The following PPARGC1A variants were observed in gnomAD, a reference collection of about 807,000 sequenced individuals.
PPARGC1A encodes the protein PPARG coactivator 1 alpha, also known as peroxisome proliferator-activated receptor gamma coactivator 1-alpha.
A neutral mutation model predicts 88.7 loss-of-function variants in PPARGC1A; 25 were observed. That is an observed-to-expected ratio of 0.28 (90% CI 0.21 to 0.39). PPARGC1A has a LOEUF of 0.39. Ranked by LOEUF, PPARGC1A falls within the 10% of genes least tolerant of loss-of-function variation. PPARGC1A has a pLI of 1.00. For synonymous variants in PPARGC1A, 363 were observed against 355.6 expected, an observed-to-expected ratio of 1.02 and a Z score of -0.24; for missense variants, 880 against 968.7, an observed-to-expected ratio of 0.91 and a Z score of 1.22.
the PPARGC1A span, among the ~76,000 whole-genome samples, chr4:24,138,369 G>T: frequency 3.9e-5 from 6 of 152,016 alleles, no homozygotes; most frequent in African/African-American, 1.4e-4. Flanking sequence ...AGAACCAAAG[G>T]GACAATTGGA....
At chr4:24,137,603 C>T in the PPARGC1A span, among the ~76,000 whole-genome samples, 1 of 152,104 alleles carries the variant, frequency 6.6e-6, no homozygotes, top group Non-Finnish European at 1.5e-5. Flanking sequence ...AGTCACCTTC[C>T]AAAATTCAGA....
chr4:23,814,473 G>C lies in PPARGC1A; in HGVS notation c.1010C>G (p.Ser337Cys). ...PSKKPRYSES[S>C]GTQGNNSTKK... ...GGTGGAGTTATTGCCTTGTGTACCA[G>C]AAGACTCACTGTACCTGGGCTTCTT... Residue 337 changes from serine (S) to cysteine (C), a missense_variant, in exon 8 of 13, where the codon TCT (serine) becomes TGT (cysteine). Coordinates refer to ENST00000264867, the MANE Select transcript of PPARGC1A (RefSeq NM_013261.5). The C allele has an allele frequency of 6.2e-7, 1 of 1,613,744 alleles. No individual in the cohort carries two copies. The highest frequency in any genetic ancestry group is 1.1e-5 in the South Asian group (1 of 91,050).
At chr4:24,391,554 T>TG in the PPARGC1A span, among the ~76,000 whole-genome samples, 1 of 152,166 alleles carries the variant, frequency 6.6e-6, no homozygotes. Flanking sequence ...AATGGTGGTG[T>TG]GGTCCCTTGA....
chr4:23,917,354 C>T, the PPARGC1A span, among the ~76,000 whole-genome samples: 1 of 149,864 alleles, frequency 6.7e-6, no homozygotes, highest in Non-Finnish European at 1.5e-5. Flanking sequence ...ACATCATACT[C>T]TTTTCTGTGT....
At chr4:23,867,034 G>A (rs868499915) in intron 2 of PPARGC1A, among the ~76,000 whole-genome samples, 5 of 152,100 alleles carry the variant, frequency 3.3e-5, no homozygotes, top group Non-Finnish European at 7.3e-5. Context: ...TAAGAGGTGG[G>A]AAGTGCAGTT....
the PPARGC1A span, among the ~76,000 whole-genome samples, chr4:24,268,086 T>TTAAAATATAATGAATATA: frequency 6.6e-6 from 1 of 152,246 alleles, no homozygotes; most frequent in Non-Finnish European, 1.5e-5. Context: ...TTTTGATTCA[T>TTAAAATATAATGAATATA]TAAAATATAA....
chr4:24,092,897 G>A, the PPARGC1A span, among the ~76,000 whole-genome samples: 3 of 152,270 alleles, frequency 2.0e-5, no homozygotes, highest in South Asian at 6.2e-4. Flanking sequence ...ACAAATTCCC[G>A]TGCTCGCAGA....
At chr4:23,829,190 G>A (rs1464024149) in intron 4 of PPARGC1A, among the ~76,000 whole-genome samples, 1 of 152,110 alleles carries the variant, frequency 6.6e-6, no homozygotes, top group Non-Finnish European at 1.5e-5. Flanking sequence ...TTTTACCGTG[G>A]CCCACAATGC....
At chr4:24,375,150 C>G in the PPARGC1A span, among the ~76,000 whole-genome samples, 2 of 152,022 alleles carry the variant, frequency 1.3e-5, no homozygotes, top group African/African-American at 2.4e-5. Flanking sequence ...CATTTTTAAT[C>G]AGGCCCCAAA....
At chr4:23,880,353 C>T (rs960302835) in intron 2 of PPARGC1A, among the ~76,000 whole-genome samples, 1 of 152,130 alleles carries the variant, frequency 6.6e-6, no homozygotes, top group Non-Finnish European at 1.5e-5. Flanking sequence ...CATTACCTAA[C>T]GCAGTTCATT....
At chr4:24,280,694 T>C in the PPARGC1A span, among the ~76,000 whole-genome samples, 2 of 152,350 alleles carry the variant, frequency 1.3e-5, no homozygotes, top group African/African-American at 4.8e-5. Flanking sequence ...GCAGTCAATT[T>C]TTTTAGTGGA....
At chr4:24,169,104 T>C in the PPARGC1A span, among the ~76,000 whole-genome samples, 1 of 152,190 alleles carries the variant, frequency 6.6e-6, no homozygotes, top group Non-Finnish European at 1.5e-5. Flanking sequence ...CTTGATAGGA[T>C]GTGACAAAAA....
chr4:23,922,776 G>A, the PPARGC1A span, among the ~76,000 whole-genome samples: 4 of 152,156 alleles, frequency 2.6e-5, no homozygotes, highest in African/African-American at 7.2e-5. Flanking sequence ...GCCACTGGAG[G>A]CCTGCTGGCT....
the PPARGC1A span, among the ~76,000 whole-genome samples, chr4:24,199,490 G>A: frequency 5.9e-5 from 9 of 152,294 alleles, no homozygotes; most frequent in Admixed American, 2.6e-4. Context: ...TGCCACAGAG[G>A]ACATTTTAAT....
At chr4:24,123,436 C>T in the PPARGC1A span, among the ~76,000 whole-genome samples, 10 of 152,242 alleles carry the variant, frequency 6.6e-5, no homozygotes, top group South Asian at 2.1e-3. Flanking sequence ...TGGAAGGTTT[C>T]ACTATAGCCT....
chr4:23,935,235 C>G, the PPARGC1A span, among the ~76,000 whole-genome samples: 7,149 of 152,266 alleles, frequency 0.047, 563 homozygotes, highest in African/African-American at 0.16. Flanking sequence ...AAGATTATGC[C>G]TGCTCTTTCT....
chr4:24,337,340 C>T, the PPARGC1A span, among the ~76,000 whole-genome samples: 3 of 152,196 alleles, frequency 2.0e-5, no homozygotes, highest in Non-Finnish European at 4.4e-5. Flanking sequence ...CATTCAACCA[C>T]TCGTGAACAG....
chr4:23,894,085 GAAT>G (rs1240239139), upstream of PPARGC1A, among the ~76,000 whole-genome samples: 1 of 152,054 alleles, frequency 6.6e-6, no homozygotes, highest in Non-Finnish European at 1.5e-5. Context: ...TCATCCATAA[GAAT>G]AATAATCATC....
the PPARGC1A span, among the ~76,000 whole-genome samples, chr4:24,233,051 C>T: frequency 1.3e-5 from 2 of 152,048 alleles, no homozygotes; most frequent in South Asian, 2.1e-4. Context: ...GCCCTGGGAC[C>T]ACAGAGGCCC....
Sources: allele counts gnomAD v4.1 joint callset (sites outside exome capture counted in the v4.1 genomes callset), GRCh38; gene constraint gnomAD v4.1.1; transcripts MANE v1.5; gene names NCBI Gene and HGNC (gene_info 2026-07-23, HGNC 2026-07-21).